SLC9A4: variants seen among roughly 807,000 people sequenced by gnomAD.
The protein encoded by SLC9A4 is sodium/hydrogen exchanger 4.
SLC9A4 carries 63 observed loss-of-function variants against 67.4 expected under a neutral mutation model. The observed-to-expected ratio is 0.93, with a 90% CI of 0.76 to 1.15. SLC9A4 has a LOEUF of 1.15. SLC9A4 is among the 50% of genes most tolerant of loss of function. The pLI is 0.00. For missense variants in SLC9A4, 1,089 were observed against 987.7 expected, an observed-to-expected ratio of 1.10 and a Z score of -1.38; for synonymous variants, 393 against 367.2, an observed-to-expected ratio of 1.07 and a Z score of -0.80.
At chr2:102,507,706 C>T (rs1206241804) in intron 4 of SLC9A4, among the ~76,000 whole-genome samples, 1 of 152,052 alleles carries the variant, frequency 6.6e-6, no homozygotes, top group Non-Finnish European at 1.5e-5. Context: ...ATTTATCCCC[C>T]CACCCACTCA....
chr2:102,514,908 A>G (rs993861182), intron 8 of SLC9A4, among the ~76,000 whole-genome samples: 2 of 152,110 alleles, frequency 1.3e-5, no homozygotes, highest in African/African-American at 2.4e-5. Flanking sequence ...TGGAATATAA[A>G]CCCATCATTA....
chr2:102,526,233 T>G (rs766000315), intron 10 of SLC9A4, 26 bp from the exon 11 acceptor site: 29 of 1,608,746 alleles, frequency 1.8e-5, no homozygotes, highest in Non-Finnish European at 5.1e-6. Context: ...CTTATTCTGC[T>G]TTTTCTTTCT....
chr2:102,524,864 C>A (rs1011671173), intron 9 of SLC9A4, among the ~76,000 whole-genome samples, 160 bp from the exon 10 acceptor site: 2 of 152,136 alleles, frequency 1.3e-5, no homozygotes, highest in Non-Finnish European at 2.9e-5. Flanking sequence ...TTCTTCTTGG[C>A]GCTGAGGCTT....
At position 102,479,439 on chromosome 2, in the gene SLC9A4, G is replaced by A. The variant is rs951745879; in HGVS notation, c.720+137G>A. 8.8e-6 allele frequency: 8 copies of A among 905,468 alleles called. No homozygotes were observed. In the East Asian group the frequency reaches 2.1e-4, roughly 24 times the overall value. The allele number at this position is 905,468 out of a possible 1,614,324, so 56.1% of individuals were successfully genotyped here. ...GATGAGCTTCAGCCCATGCGGTGTGGTCCGAGTTCTGGTGAATTTCCTTGG... is the reference window on the plus strand; with the variant it reads ...GATGAGCTTCAGCCCATGCGGTGTGATCCGAGTTCTGGTGAATTTCCTTGG... On this transcript the variant is annotated intron_variant, in intron 2 of 11. Coordinates refer to ENST00000295269, the MANE Select transcript of SLC9A4 (RefSeq NM_001011552.4).
intron 2 of SLC9A4, among the ~76,000 whole-genome samples, chr2:102,486,159 A>G (rs1684584719): frequency 6.6e-6 from 1 of 152,206 alleles, no homozygotes; most frequent in Non-Finnish European, 1.5e-5. Flanking sequence ...ATGGGAAGCC[A>G]TATGCTTCAT....
At position 102,532,664 on chromosome 2, in the gene SLC9A4, T is replaced by G; in HGVS notation, c.2373T>G (p.His791Gln). 1 of 1,613,586 alleles carries G rather than the reference T, an allele frequency of 6.2e-7. No homozygotes were observed. The highest frequency in any genetic ancestry group is 8.5e-7 in the Non-Finnish European group (1 of 1,179,760). Residue 791 changes from histidine to glutamine, a missense_variant, in exon 12 of 12, where the codon CAT becomes CAG. By Grantham distance (24) the His-to-Gln change is conservative. Coordinates refer to ENST00000295269, the MANE Select transcript of SLC9A4 (RefSeq NM_001011552.4). Reference protein sequence around the residue: ...HGHGRDHHRSHSPLLQKK With the variant: ...HGHGRDHHRSQSPLLQKK ...ACGGCAGGGACCATCACAGGTCCCATAGTCCTTTGCTCCAAAAAAAATAGT... is the reference window on the plus strand; with the variant it reads ...ACGGCAGGGACCATCACAGGTCCCAGAGTCCTTTGCTCCAAAAAAAATAGT...
At chr2:102,479,428 C>G in intron 2 of SLC9A4, 126 bp downstream of exon 2, 1 of 1,005,362 alleles carries the variant, frequency 9.9e-7, no homozygotes, top group Non-Finnish European at 1.4e-6. Context: ...AGCTTCAGCC[C>G]ATGCGGTGTG....
At chr2:102,522,927 C>T (rs1674555020) in intron 9 of SLC9A4, among the ~76,000 whole-genome samples, 1 of 151,942 alleles carries the variant, frequency 6.6e-6, no homozygotes, top group African/African-American at 2.4e-5. Flanking sequence ...TTGGATTTAC[C>T]CCTCCCTCAC....
intron 4 of SLC9A4, 31 bp from the exon 5 acceptor site, chr2:102,508,048 T>C: frequency 6.2e-7 from 1 of 1,604,196 alleles, no homozygotes; most frequent in Non-Finnish European, 8.5e-7. Context: ...TTCATGATCC[T>C]CTGCTCTAAT....
intron 2 of SLC9A4, among the ~76,000 whole-genome samples, chr2:102,487,495 G>C (rs1684612800): frequency 6.6e-6 from 1 of 152,152 alleles, no homozygotes; most frequent in African/African-American, 2.4e-5. Flanking sequence ...GAGGGGTGTG[G>C]GCTAATCCTT....
At chr2:102,519,283 A>G (rs539888816) in intron 8 of SLC9A4, among the ~76,000 whole-genome samples, 39 of 152,340 alleles carry the variant, frequency 2.6e-4, no homozygotes, top group Non-Finnish European at 3.1e-4. Flanking sequence ...TCTTAACCAA[A>G]GATAAAATCC....
chr2:102,530,422 T>G (rs761058363), intron 11 of SLC9A4, among the ~76,000 whole-genome samples: 13 of 152,198 alleles, frequency 8.5e-5, no homozygotes, highest in Non-Finnish European at 1.6e-4. Context: ...CAAAACACAG[T>G]CCTCACTCTT....
At chr2:102,517,604 A>G (rs999721793) in intron 8 of SLC9A4, among the ~76,000 whole-genome samples, 3 of 152,330 alleles carry the variant, frequency 2.0e-5, no homozygotes, top group African/African-American at 7.2e-5. Flanking sequence ...GAATGATTTG[A>G]ATGTTTCTAA....
intron 11 of SLC9A4, among the ~76,000 whole-genome samples, chr2:102,530,220 G>T (rs761440250): frequency 6.6e-6 from 1 of 152,094 alleles, no homozygotes; most frequent in Non-Finnish European, 1.5e-5. Flanking sequence ...GTTGGGGCCC[G>T]CCCTGCGCTG....
intron 2 of SLC9A4, among the ~76,000 whole-genome samples, chr2:102,496,531 A>G (rs1338973285): frequency 6.6e-6 from 1 of 152,206 alleles, no homozygotes; most frequent in Admixed American, 6.5e-5. Context: ...TTTAGCAGAG[A>G]CTTAGGAACA....
intron 2 of SLC9A4, among the ~76,000 whole-genome samples, chr2:102,483,749 G>A (rs1260681336): frequency 6.8e-6 from 1 of 147,386 alleles, no homozygotes; most frequent in Non-Finnish European, 1.5e-5. Context: ...AACGTGAGAA[G>A]ATGGATACAA....
chr2:102,491,600 C>A (rs1330338918), intron 2 of SLC9A4, among the ~76,000 whole-genome samples: 1 of 152,066 alleles, frequency 6.6e-6, no homozygotes, highest in African/African-American at 2.4e-5. Context: ...CCCTATGATT[C>A]AATTACCTCC....
chr2:102,502,855 A>G (rs1320586804), intron 2 of SLC9A4, among the ~76,000 whole-genome samples: 1 of 152,240 alleles, frequency 6.6e-6, no homozygotes, highest in Non-Finnish European at 1.5e-5. Context: ...TGGGCCACAG[A>G]CATGTGGCAC....
At chr2:102,518,650 T>C (rs1024576811) in intron 8 of SLC9A4, among the ~76,000 whole-genome samples, 1 of 152,240 alleles carries the variant, frequency 6.6e-6, no homozygotes, top group African/African-American at 2.4e-5. Context: ...AGTCCTTTAA[T>C]ATCTTTTATC....
Sources: gnomAD v4.1 joint callset for allele counts (sites outside exome capture counted in the v4.1 genomes callset) on GRCh38, gnomAD v4.1.1 for gene constraint, MANE v1.5 for transcripts, NCBI Gene and HGNC (gene_info 2026-07-23, HGNC 2026-07-21) for gene names.